Variants in TMEM138 observed in about 807,000 individuals in gnomAD.
TMEM138 encodes the protein transmembrane protein 138.
A neutral mutation model predicts 18.1 loss-of-function variants in TMEM138; 9 were observed. The observed-to-expected ratio is 0.50, with a 90% CI of 0.30 to 0.87. TMEM138 has a LOEUF of 0.87. Among genes scored for constraint, TMEM138 ranks in the 40% least tolerant of loss-of-function variants. The probability of loss-of-function intolerance (pLI) is 0.06; values close to 1 mark genes in which losing one functional copy is unlikely to be tolerated. For synonymous variants in TMEM138, 79 were observed against 74.8 expected, an observed-to-expected ratio of 1.06 and a Z score of -0.29; for missense variants, 189 against 190.6, an observed-to-expected ratio of 0.99 and a Z score of 0.05.
At chr11:61,365,923 T>C in intron 2 of TMEM138, 122 bp from the exon 3 acceptor site, 1 of 1,268,188 alleles carries the variant, frequency 7.9e-7, no homozygotes, top group Non-Finnish European at 1.1e-6. Flanking sequence ...TGTGAGGGTT[T>C]AAGATGTCAG....
At chr11:61,376,049 TG>T (rs1858430765), downstream of TMEM138, among the ~76,000 whole-genome samples, 4 of 152,310 alleles carry the variant, frequency 2.6e-5, no homozygotes, top group South Asian at 8.3e-4. Context: ...TAAAAGCCTA[TG>T]TAAAAAATAA....
intron 2 of TMEM138, chr11:61,365,570 AT>A (rs1000890866): frequency 2.7e-5 from 4 of 150,100 alleles, no homozygotes; most frequent in Non-Finnish European, 4.5e-5. Flanking sequence ...GCATGAGCTA[AT>A]TTTTTTTTTA....
At chr11:61,375,849 C>T (rs1019382963), downstream of TMEM138, among the ~76,000 whole-genome samples, 1 of 152,174 alleles carries the variant, frequency 6.6e-6, no homozygotes, top group Non-Finnish European at 1.5e-5. Flanking sequence ...TCCAAGGTTT[C>T]TGACCTGTGG....
intron 4 of TMEM138, 60 bp downstream of exon 4, chr11:61,368,058 G>A (rs1374634741): frequency 1.2e-5 from 14 of 1,193,242 alleles, no homozygotes; most frequent in South Asian, 1.1e-4. Flanking sequence ...TTTCAGTGAG[G>A]GCCTTGATGC....
At chr11:61,374,433 G>A (rs1590633893), downstream of TMEM138, among the ~76,000 whole-genome samples, 1 of 152,006 alleles carries the variant, frequency 6.6e-6, no homozygotes, top group Non-Finnish European at 1.5e-5. Context: ...TTACAGGTAC[G>A]AGCCACTGCC....
rs151094420 is a variant in TMEM138 at position 61,368,634 on chromosome 11, C to T, written c.414C>T (p.Ala138=). 193 of 1,614,062 alleles carry T rather than the reference C, an allele frequency of 1.2e-4. No homozygotes were observed. The highest frequency in any genetic ancestry group is 2.4e-4 in the African/African-American group (18 of 75,048). Residue 138 remains alanine, a synonymous_variant, in exon 5 of 5, where the codon GCC becomes GCT. Transcript: ENST00000278826. ...ACTGCTACTTCTATAAACGGACAGC[C>T]GTAAGACTAGGCGATCCTCACTTCT... The part of the protein sequence containing the change: ...VLYCYFYKRT[A]VRLGDPHFYQ...
intron 2 of TMEM138, 115 bp downstream of exon 2, chr11:61,364,633 A>C: frequency 7.0e-7 from 1 of 1,437,556 alleles, no homozygotes; most frequent in Admixed American, 2.0e-5. Context: ...TCACACCCAT[A>C]ATCCCAGGAC....
downstream of TMEM138, among the ~76,000 whole-genome samples, chr11:61,369,941 GA>G (rs1183261208): frequency 1.3e-5 from 2 of 152,196 alleles, no homozygotes; most frequent in African/African-American, 2.4e-5. Flanking sequence ...ACTAAGCCCA[GA>G]AACAAAGTGG....
At position 61,366,073 on chromosome 11, in the gene TMEM138, A is replaced by G; in HGVS notation, c.157A>G (p.Ile53Val). ...IIQDIAVLFNIIIIFLMFFNT... is the reference protein window; with the variant it reads ...IIQDIAVLFNVIIIFLMFFNT... ...CCAGGATATTGCAGTCCTCTTCAACATCATCATCATTTTCCTCATGTTCTT... is the reference window on the plus strand; with the variant it reads ...CCAGGATATTGCAGTCCTCTTCAACGTCATCATCATTTTCCTCATGTTCTT... The change falls in exon 3 of 5, where the codon ATC (isoleucine) becomes GTC (valine). Residue 53 changes from isoleucine to valine, a missense_variant. Ile to Val is a conservative substitution (Grantham distance 29). Coordinates refer to ENST00000278826, the MANE Select transcript of TMEM138 (RefSeq NM_016464.5). 6.2e-7 allele frequency: 1 copy of G among 1,613,532 alleles called. No homozygotes were observed. Among genetic ancestry groups the G allele is most frequent in the Non-Finnish European group, 8.5e-7 (1 of 1,179,824 alleles).
At chr11:61,373,105 A>G (rs1858385949), downstream of TMEM138, among the ~76,000 whole-genome samples, 1 of 152,206 alleles carries the variant, frequency 6.6e-6, no homozygotes, top group South Asian at 2.1e-4. Context: ...ACTGACGGCA[A>G]TTAAAGCCCC....
At chr11:61,372,695 A>C (rs1051978696), downstream of TMEM138, among the ~76,000 whole-genome samples, 1 of 152,096 alleles carries the variant, frequency 6.6e-6, no homozygotes, top group African/African-American at 2.4e-5. Context: ...CTGAGGCAGA[A>C]GAATGGTGTG....
chr11:61,362,755 G>A (rs1857972006), intron 1 of TMEM138: 1 of 152,266 alleles, frequency 6.6e-6, no homozygotes, highest in Admixed American at 6.5e-5. Flanking sequence ...GCACGGGTTT[G>A]GCGTCACAGT....
chr11:61,371,816 C>T (rs1858351190), downstream of TMEM138, among the ~76,000 whole-genome samples: 1 of 152,160 alleles, frequency 6.6e-6, no homozygotes, highest in African/African-American at 2.4e-5. Flanking sequence ...AAAGGCAGGA[C>T]ATCTCAAAAG....
chr11:61,376,572 G>A (rs1422601903), downstream of TMEM138, among the ~76,000 whole-genome samples: 1 of 151,716 alleles, frequency 6.6e-6, no homozygotes, highest in African/African-American at 2.4e-5. Flanking sequence ...AAACTAAGCT[G>A]TGCTTTCATA....
At chr11:61,364,589 G>T (rs1858070549) in intron 2 of TMEM138, 71 bp downstream of exon 2, 3 of 1,596,048 alleles carry the variant, frequency 1.9e-6, no homozygotes, top group Non-Finnish European at 2.6e-6. Context: ...GTGATTTAGT[G>T]TCTTAAAGTT....
At chr11:61,370,904 T>C (rs1858325810), downstream of TMEM138, among the ~76,000 whole-genome samples, 1 of 152,204 alleles carries the variant, frequency 6.6e-6, no homozygotes, top group Non-Finnish European at 1.5e-5. Flanking sequence ...CCATTGGCAG[T>C]TGGCTAGCCT....
At chr11:61,362,618 A>G (rs1470588693) in intron 1 of TMEM138, 198 bp downstream of exon 1, 2 of 152,234 alleles carry the variant, frequency 1.3e-5, no homozygotes, top group African/African-American at 4.8e-5. Context: ...AAAGAGCTTC[A>G]TGAGCTTGTG....
intron 1 of TMEM138, 79 bp downstream of exon 1, chr11:61,362,499 A>G (rs889769334): frequency 1.6e-4 from 24 of 152,298 alleles, no homozygotes; most frequent in Admixed American, 3.9e-4. Flanking sequence ...CTTGGGTTTT[A>G]TGCTTTGTTG....
At chr11:61,373,984 A>C (rs1008986017), downstream of TMEM138, among the ~76,000 whole-genome samples, 2 of 152,022 alleles carry the variant, frequency 1.3e-5, no homozygotes, top group African/African-American at 4.8e-5. Flanking sequence ...CTGGGATTAC[A>C]GATGCCTGCC....
Sources: allele counts gnomAD v4.1 joint callset (sites outside exome capture counted in the v4.1 genomes callset), GRCh38; gene constraint gnomAD v4.1.1; transcripts MANE v1.5; gene names NCBI Gene and HGNC (gene_info 2026-07-23, HGNC 2026-07-21).